Variants in CLSTN2 observed in about 807,000 individuals in gnomAD.
CLSTN2 encodes calsyntenin-2.
In CLSTN2, 48 loss-of-function variants were observed where a neutral mutation model predicts 101.2. The ratio of observed to expected loss-of-function variants is 0.47; its 90% confidence interval spans 0.38 to 0.60. The LOEUF is 0.60. Among genes scored for constraint, CLSTN2 ranks in the 20% least tolerant of loss-of-function variants. The pLI is 0.00. For missense variants in CLSTN2, 1,160 were observed against 1,238.2 expected, an observed-to-expected ratio of 0.94 and a Z score of 0.95; for synonymous variants, 481 against 463.6, an observed-to-expected ratio of 1.04 and a Z score of -0.48.
chr3:140,079,868 T>C (rs1166790285), intron 1 of CLSTN2, among the ~76,000 whole-genome samples: 1 of 152,252 alleles, frequency 6.6e-6, no homozygotes, highest in East Asian at 1.9e-4. Flanking sequence ...TTTTAAAATC[T>C]AGAAACAATT....
chr3:140,576,280 C>G lies in CLSTN2; in HGVS notation c.*10027C>G, dbSNP rs1054551167. ...GCACCTAGACTGCATCTGCTGAACA[C>G]CCAACAGCTGTTTCTACAAGCTAAA... On this transcript the variant is annotated 3_prime_UTR_variant, in exon 17 of 17. Transcript: ENST00000458420. 1.3e-5 allele frequency: 2 copies of G among 152,212 alleles called. No homozygotes were observed. The highest frequency in any genetic ancestry group is 6.5e-5 in the Admixed American group (1 of 15,280). The allele number at this position is 152,212 out of a possible 1,614,324, so 9.4% of individuals were successfully genotyped here. A position where few individuals can be genotyped will look rare whatever the true frequency, so the allele number is the denominator to read the frequency against.
intron 2 of CLSTN2, among the ~76,000 whole-genome samples, chr3:140,401,527 TC>T (rs973285061): frequency 1.4e-4 from 21 of 152,222 alleles, no homozygotes; most frequent in Admixed American, 6.5e-5. Context: ...CTTCTTTCCC[TC>T]TCTACTCTCC....
chr3:140,215,599 A>G (rs746892998), intron 2 of CLSTN2, among the ~76,000 whole-genome samples: 1 of 152,218 alleles, frequency 6.6e-6, no homozygotes, highest in Non-Finnish European at 1.5e-5. Flanking sequence ...AGAATTTAGC[A>G]CAATGCCAGG....
intron 2 of CLSTN2, among the ~76,000 whole-genome samples, chr3:140,241,878 T>TAC (rs1187220904): frequency 2.9e-5 from 4 of 138,480 alleles, no homozygotes; most frequent in East Asian, 2.1e-4. Flanking sequence ...CACATATATA[T>TAC]ATACACACAC....
intron 2 of CLSTN2, among the ~76,000 whole-genome samples, chr3:140,390,853 A>G (rs1187548831): frequency 1.3e-5 from 2 of 152,354 alleles, no homozygotes; most frequent in African/African-American, 2.4e-5. Flanking sequence ...GGCTCTTCAC[A>G]TGTCAAGTAA....
chr3:140,341,429 C>T (rs911641607), intron 2 of CLSTN2, among the ~76,000 whole-genome samples: 3 of 152,176 alleles, frequency 2.0e-5, no homozygotes, highest in South Asian at 2.1e-4. Context: ...CCAATAGTGT[C>T]GATGGTGTCA....
chr3:140,564,142 G>A lies in CLSTN2; in HGVS notation c.2664G>A (p.Met888Ile), dbSNP rs868273227. Residue 888 changes from methionine (M) to isoleucine (I), a missense_variant, in exon 16 of 17, where the codon ATG becomes ATA. Met to Ile is a conservative substitution (Grantham distance 10). Transcript: ENST00000458420. ...DSALTITVNP[M>I]EKHEGPGHGE... is the part of the protein sequence containing the mutation. ...CGCTGACTATCACAGTCAACCCCATGGAGGTGATCCTCATGCACGGCTGGG... is the reference window on the plus strand; with the variant it reads ...CGCTGACTATCACAGTCAACCCCATAGAGGTGATCCTCATGCACGGCTGGG... The A allele has an allele frequency of 6.2e-7, 1 of 1,613,762 alleles. No individual in the cohort carries two copies. The highest frequency in any genetic ancestry group is 8.5e-7 in the Non-Finnish European group (1 of 1,179,804).
intron 2 of CLSTN2, among the ~76,000 whole-genome samples, chr3:140,276,841 G>T (rs916540041): frequency 1.2e-4 from 18 of 152,200 alleles, no homozygotes; most frequent in Admixed American, 3.3e-4. Flanking sequence ...TTAGTTGAGT[G>T]TGGCCTCTAG....
intron 1 of CLSTN2, among the ~76,000 whole-genome samples, chr3:139,958,440 C>A (rs1234943874): frequency 6.6e-6 from 1 of 152,154 alleles, no homozygotes; most frequent in Non-Finnish European, 1.5e-5. Flanking sequence ...GATTACTTTT[C>A]TTTTGAGGCA....
chr3:140,038,016 A>C (rs4683471), intron 1 of CLSTN2, among the ~76,000 whole-genome samples: 18,718 of 152,060 alleles, frequency 0.12, 1,502 homozygotes, highest in African/African-American at 0.22. Flanking sequence ...TACACGTGCA[A>C]GTATCTCTAT....
chr3:140,409,243 T>C (rs2088337171), intron 4 of CLSTN2, among the ~76,000 whole-genome samples: 1 of 152,222 alleles, frequency 6.6e-6, no homozygotes, highest in Non-Finnish European at 1.5e-5. Context: ...ATTAAGTGCA[T>C]GTCCACAGCT....
At chr3:140,035,983 G>A (rs2007644490) in intron 1 of CLSTN2, among the ~76,000 whole-genome samples, 1 of 152,208 alleles carries the variant, frequency 6.6e-6, no homozygotes, top group Admixed American at 6.5e-5. Context: ...CCAGCAGGGA[G>A]CCAGGGCTCC....
chr3:140,143,936 A>G (rs1168434604), intron 1 of CLSTN2, among the ~76,000 whole-genome samples: 1 of 152,192 alleles, frequency 6.6e-6, no homozygotes, highest in Non-Finnish European at 1.5e-5. Context: ...GTTAAGGCAA[A>G]TGATATCATG....
intron 1 of CLSTN2, among the ~76,000 whole-genome samples, chr3:139,958,127 C>T (rs1241458987): frequency 6.6e-6 from 1 of 152,168 alleles, no homozygotes; most frequent in Admixed American, 6.5e-5. Flanking sequence ...TAGGGGCCAA[C>T]TCTCATACAG....
At chr3:139,955,436 C>A (rs4398393) in intron 1 of CLSTN2, among the ~76,000 whole-genome samples, 3,492 of 152,078 alleles carry the variant, frequency 0.023, 119 homozygotes, top group African/African-American at 0.08. Context: ...CCTAACAAAC[C>A]CCTGCACAAC....
intron 2 of CLSTN2, among the ~76,000 whole-genome samples, chr3:140,374,480 A>C (rs951645827): frequency 1.3e-5 from 2 of 152,316 alleles, no homozygotes; most frequent in African/African-American, 4.8e-5. Flanking sequence ...GTTTATTGAA[A>C]ACACTAATAA....
At chr3:140,126,169 T>A (rs1479516752) in intron 1 of CLSTN2, among the ~76,000 whole-genome samples, 1 of 152,056 alleles carries the variant, frequency 6.6e-6, no homozygotes, top group Non-Finnish European at 1.5e-5. Flanking sequence ...GGAACTGAGA[T>A]GCTATGGGTA....
chr3:140,409,270 A>G (rs1386423279), intron 4 of CLSTN2, among the ~76,000 whole-genome samples: 1 of 152,200 alleles, frequency 6.6e-6, no homozygotes, highest in Non-Finnish European at 1.5e-5. Context: ...GAACACACCA[A>G]TGGCCCTGAC....
intron 8 of CLSTN2, among the ~76,000 whole-genome samples, chr3:140,470,657 T>C (rs1933821684): frequency 1.3e-5 from 2 of 152,196 alleles, no homozygotes; most frequent in African/African-American, 4.8e-5. Flanking sequence ...CCCAAAGGAA[T>C]GGGCCATAAT....
Sources: gnomAD v4.1 joint callset for allele counts (sites outside exome capture counted in the v4.1 genomes callset) on GRCh38, gnomAD v4.1.1 for gene constraint, MANE v1.5 for transcripts, NCBI Gene and HGNC (gene_info 2026-07-23, HGNC 2026-07-21) for gene names.